Variants in ITGA1 observed in about 807,000 individuals in gnomAD.
The protein encoded by ITGA1 is integrin subunit alpha 1.
In ITGA1, 85 loss-of-function variants were observed where a neutral mutation model predicts 145.9. That is an observed-to-expected ratio of 0.58 (90% confidence interval 0.49 to 0.70). ITGA1 has a LOEUF of 0.70. Ranked by LOEUF, ITGA1 falls within the 30% of genes least tolerant of loss-of-function variation. The pLI is 0.00. For missense variants in ITGA1, 1,351 were observed against 1,418.7 expected, an observed-to-expected ratio of 0.95 and a Z score of 0.77; for synonymous variants, 520 against 495.3, an observed-to-expected ratio of 1.05 and a Z score of -0.66.
At chr5:52,867,828 T>C (rs1338129704) in intron 6 of ITGA1, among the ~76,000 whole-genome samples, 1 of 152,042 alleles carries the variant, frequency 6.6e-6, no homozygotes, top group Non-Finnish European at 1.5e-5. Context: ...AGCTCTCTAA[T>C]TGTAGCCCAG....
At chr5:52,831,463 A>G (rs1243902534) in intron 1 of ITGA1, among the ~76,000 whole-genome samples, 3 of 152,034 alleles carry the variant, frequency 2.0e-5, no homozygotes, top group African/African-American at 4.8e-5. Flanking sequence ...TACCCAAACT[A>G]AGTCTCAAGA....
At chr5:52,808,029 G>T (rs1227723528) in intron 1 of ITGA1, among the ~76,000 whole-genome samples, 1 of 152,106 alleles carries the variant, frequency 6.6e-6, no homozygotes, top group Non-Finnish European at 1.5e-5. Flanking sequence ...ATTGACAGCA[G>T]TTAAAAGTGA....
chr5:52,952,286 T>C, intron 28 of ITGA1, 121 bp from the exon 29 acceptor site: 1 of 465,582 alleles, frequency 2.1e-6, no homozygotes, highest in Non-Finnish European at 3.9e-6. Flanking sequence ...ATTTCTTAAT[T>C]ATATTAGTTG....
intron 2 of ITGA1, among the ~76,000 whole-genome samples, chr5:52,856,376 A>G (rs767921765): frequency 6.6e-6 from 1 of 152,098 alleles, no homozygotes; most frequent in Non-Finnish European, 1.5e-5. Flanking sequence ...TTGATATTAC[A>G]TGTTTTCCAA....
intron 1 of ITGA1, among the ~76,000 whole-genome samples, chr5:52,799,278 A>C (rs1322668252): frequency 6.6e-6 from 1 of 152,184 alleles, no homozygotes; most frequent in Admixed American, 6.5e-5. Context: ...ATTTTCTTTA[A>C]ATTATGTAGC....
At chr5:52,949,702 G>A (rs1158726682) in intron 28 of ITGA1, among the ~76,000 whole-genome samples, 4 of 152,054 alleles carry the variant, frequency 2.6e-5, no homozygotes, top group African/African-American at 9.7e-5. Flanking sequence ...CTTTGGTTTT[G>A]GAATGAGGGT....
At chr5:52,900,407 T>C (rs1168389414) in intron 11 of ITGA1, among the ~76,000 whole-genome samples, 5 of 152,154 alleles carry the variant, frequency 3.3e-5, no homozygotes, top group Admixed American at 2.0e-4. Flanking sequence ...TATACAGAAA[T>C]TTCACTTCTG....
intron 11 of ITGA1, 133 bp from the exon 12 acceptor site, chr5:52,905,630 T>G (rs1005323249): frequency 4.2e-6 from 3 of 715,042 alleles, no homozygotes; most frequent in Admixed American, 6.6e-5. Context: ...CTTACGTGCA[T>G]TGAAGAAAAA....
At chr5:52,798,793 G>T (rs1748396219) in intron 1 of ITGA1, among the ~76,000 whole-genome samples, 1 of 152,142 alleles carries the variant, frequency 6.6e-6, no homozygotes, top group Non-Finnish European at 1.5e-5. Flanking sequence ...CATTGCCATG[G>T]TAAATTTTCA....
At chr5:52,851,144 T>C (rs1040234244) in intron 2 of ITGA1, among the ~76,000 whole-genome samples, 1 of 152,244 alleles carries the variant, frequency 6.6e-6, no homozygotes, top group South Asian at 2.1e-4. Flanking sequence ...CTTTTAAGGA[T>C]GGTTAAATAT....
chr5:52,930,501 A>G (rs984153884), intron 21 of ITGA1, among the ~76,000 whole-genome samples: 4 of 152,148 alleles, frequency 2.6e-5, no homozygotes, highest in African/African-American at 7.2e-5. Context: ...TAGGGGGTTG[A>G]GTCTAGTATA....
At chr5:52,895,162 G>A (rs1297107440) in intron 9 of ITGA1, among the ~76,000 whole-genome samples, 7 of 152,036 alleles carry the variant, frequency 4.6e-5, no homozygotes, top group South Asian at 2.1e-4. Flanking sequence ...GTCACAATCC[G>A]TACTTAGAAC....
chr5:52,884,146 A>C (rs986297646), intron 7 of ITGA1, among the ~76,000 whole-genome samples: 1 of 152,150 alleles, frequency 6.6e-6, no homozygotes, highest in African/African-American at 2.4e-5. Flanking sequence ...TGTATACTTT[A>C]AAAAGTCAGA....
intron 6 of ITGA1, among the ~76,000 whole-genome samples, chr5:52,870,145 C>A (rs1364287747): frequency 1.3e-5 from 2 of 152,138 alleles, no homozygotes; most frequent in Non-Finnish European, 2.9e-5. Context: ...ACAATCAATT[C>A]TTTTTCTTGA....
Position 52,947,402 on chromosome 5 carries a change from C to G in ITGA1, c.3436C>G (p.Leu1146Val). The G allele has an allele frequency of 1.2e-6, 2 of 1,613,748 alleles. No homozygotes were observed. Among genetic ancestry groups the G allele is most frequent in the Non-Finnish European group, 1.7e-6 (2 of 1,179,698 alleles). The change falls in exon 28 of 29, where the codon CTG becomes GTG. Residue 1146 changes from leucine to valine, a missense_variant. Coordinates refer to ENST00000282588, the MANE Select transcript of ITGA1 (RefSeq NM_181501.2). Reference sequence around the variant, plus strand: ...GGGCAGAGTGCCATTATGGGTCATCCTGCTGAGTGCTTTTGCCGGATTGTT... The same window carrying G: ...GGGCAGAGTGCCATTATGGGTCATCGTGCTGAGTGCTTTTGCCGGATTGTT... ...LPGRVPLWVI[L>V]LSAFAGLLLL...
chr5:52,803,602 T>C (rs9291995), intron 1 of ITGA1: 138,023 of 152,228 alleles, frequency 0.91, 62,644 homozygotes, highest in Middle Eastern at 0.93. Flanking sequence ...AGGTTGCAGC[T>C]CAGACTAGTT....
intron 8 of ITGA1, among the ~76,000 whole-genome samples, chr5:52,892,466 C>T (rs1750166154): frequency 6.6e-6 from 1 of 152,140 alleles, no homozygotes; most frequent in African/African-American, 2.4e-5. Flanking sequence ...TAATCATTCA[C>T]TTATTGTATG....
intron 23 of ITGA1, among the ~76,000 whole-genome samples, chr5:52,935,473 G>A (rs1750951826): frequency 6.6e-6 from 1 of 152,048 alleles, no homozygotes; most frequent in South Asian, 2.1e-4. Flanking sequence ...ATTTTAGAAG[G>A]CACATTTTGG....
In ITGA1 at chr5:52,881,905, C is replaced by A. The variant is rs1394061352; in HGVS notation, c.657C>A (p.Thr219=). The A allele has an allele frequency of 6.2e-7, 1 of 1,613,658 alleles. No individual in the cohort carries two copies. The highest frequency in any genetic ancestry group is 2.2e-5 in the East Asian group (1 of 44,866). ...VGIVQYGENV[T]HEFNLNKYSS... ...TTGTACAGTATGGAGAAAACGTGAC[C>A]CATGAGTTCAACCTCAATAAGTATT... Residue 219 remains threonine, a synonymous_variant, in exon 7 of 29, where the codon ACC becomes ACA. Coordinates refer to ENST00000282588, the MANE Select transcript of ITGA1 (RefSeq NM_181501.2).
Sources: allele counts gnomAD v4.1 joint callset (sites outside exome capture counted in the v4.1 genomes callset), GRCh38; gene constraint gnomAD v4.1.1; transcripts MANE v1.5; gene names NCBI Gene and HGNC (gene_info 2026-07-23, HGNC 2026-07-21).